Variants in SMYD3 observed in about 807,000 individuals in gnomAD.
SMYD3 encodes SET and MYND domain containing 3.
Under a neutral mutation model 57.7 loss-of-function variants are expected in SMYD3, and 36 were observed. The observed-to-expected ratio is 0.62, with a 90% CI of 0.48 to 0.82. The LOEUF is 0.82. Among genes scored for constraint, SMYD3 ranks in the 40% least tolerant of loss-of-function variants. The pLI is 0.00. For missense variants in SMYD3, 515 were observed against 538.8 expected (o/e 0.96, Z 0.44); for synonymous variants, 211 against 195.0 (o/e 1.08, Z -0.68).
At chr1:245,787,318 T>C (rs2047085649) in intron 10 of SMYD3, among the ~76,000 whole-genome samples, 1 of 152,216 alleles carries the variant, frequency 6.6e-6, no homozygotes, top group Admixed American at 6.5e-5. Context: ...TCTTTACATG[T>C]AGCTCCCATT....
In SMYD3 at chr1:246,405,400, G is replaced by A. The variant is rs1364340495; in HGVS notation, c.165-50306C>T. Among the ~76,000 whole-genome samples the A allele has an allele frequency of 5.9e-5, 9 of 152,078 alleles. No homozygotes were observed. In the East Asian group the frequency reaches 9.6e-4, roughly 16 times the overall value. ...CTAGCTACTGGAAAATATACAATAC[G>A]TTGTGGTTAATAGACACTAATCCAC... is the stretch of plus-strand genomic sequence containing the variant. On this transcript the variant is annotated intron_variant, in intron 1 of 11. Transcript: ENST00000490107.
intron 1 of SMYD3, among the ~76,000 whole-genome samples, chr1:246,363,885 C>T (rs1303103598): frequency 2.0e-5 from 3 of 151,820 alleles, no homozygotes; most frequent in African/African-American, 7.3e-5. Flanking sequence ...CCTGCCAAAT[C>T]CCCCTCTGTG....
intron 5 of SMYD3, among the ~76,000 whole-genome samples, chr1:246,238,231 G>C (rs1219313223): frequency 6.6e-6 from 1 of 152,038 alleles, no homozygotes; most frequent in Non-Finnish European, 1.5e-5. Flanking sequence ...GGGTATCATT[G>C]TGTTACCCAG....
chr1:245,960,288 G>A (rs1024264658), intron 5 of SMYD3, among the ~76,000 whole-genome samples: 1 of 152,168 alleles, frequency 6.6e-6, no homozygotes, highest in Non-Finnish European at 1.5e-5. Flanking sequence ...CCTCCTTGTT[G>A]TAAGGTTGAC....
chr1:246,312,267 T>C (rs2065092507), intron 5 of SMYD3, among the ~76,000 whole-genome samples: 1 of 152,136 alleles, frequency 6.6e-6, no homozygotes, highest in African/African-American at 2.4e-5. Context: ...TTGCAAGAGA[T>C]TAAATGATCA....
chr1:245,806,911 C>T lies in SMYD3; in HGVS notation c.1077-42762G>A, dbSNP rs1243999150. Among the ~76,000 whole-genome samples the T allele has an allele frequency of 5.3e-3, 464 of 88,258 alleles. 4 individuals carry two copies. The highest frequency in any genetic ancestry group is 0.025 in the African/African-American group (444 of 17,858). The allele number at this position is 88,258 out of a possible 152,430, so 57.9% of individuals were successfully genotyped here. On this transcript the variant is annotated intron_variant, in intron 10 of 11. Transcript: ENST00000490107. Reference sequence around the variant, plus strand: ...CGGCCTGGGCGACAGAGCGAGACTCCGTCTCAAAAAAAAAAAAAAAAAAAA... The same window carrying T: ...CGGCCTGGGCGACAGAGCGAGACTCTGTCTCAAAAAAAAAAAAAAAAAAAA...
At chr1:246,269,559 T>TTTG (rs2064179888) in intron 5 of SMYD3, among the ~76,000 whole-genome samples, 1 of 150,284 alleles carries the variant, frequency 6.7e-6, no homozygotes, top group Non-Finnish European at 1.5e-5. Context: ...TTTTTTTGTT[T>TTTG]TTGTTGTTTT....
intron 5 of SMYD3, among the ~76,000 whole-genome samples, chr1:245,960,504 C>T (rs1389252066): frequency 6.6e-6 from 1 of 152,158 alleles, no homozygotes; most frequent in African/African-American, 2.4e-5. Flanking sequence ...CCTGTAATCC[C>T]AGCACTTAGA....
At chr1:245,766,896 GAGGAAGCGCTTGTC>G (rs2046134387) in intron 10 of SMYD3, among the ~76,000 whole-genome samples, 1 of 152,212 alleles carries the variant, frequency 6.6e-6, no homozygotes, top group Non-Finnish European at 1.5e-5. Context: ...AGGAGAGCAT[GAGGAAGCGCTTGTC>G]CAGGGGCACT....
intron 1 of SMYD3, among the ~76,000 whole-genome samples, chr1:246,370,590 AT>A (rs1331240404): frequency 2.0e-5 from 3 of 152,216 alleles, no homozygotes; most frequent in Admixed American, 2.0e-4. Context: ...GATAATCTAT[AT>A]GGAGCGCCTG....
At chr1:245,953,297 T>A in intron 5 of SMYD3, 3 of 999,032 alleles carry the variant, frequency 3.0e-6, no homozygotes, top group Non-Finnish European at 3.6e-6. Flanking sequence ...CATTAATATA[T>A]CAACTCCAAC....
At chr1:246,312,748 T>C (rs1258482283) in intron 5 of SMYD3, among the ~76,000 whole-genome samples, 2 of 152,126 alleles carry the variant, frequency 1.3e-5, no homozygotes, top group African/African-American at 4.8e-5. Context: ...CATATTGTCA[T>C]TCAACAGGTA....
At chr1:246,433,487 C>G (rs2067327599) in intron 1 of SMYD3, among the ~76,000 whole-genome samples, 1 of 151,992 alleles carries the variant, frequency 6.6e-6, no homozygotes, top group Non-Finnish European at 1.5e-5. Context: ...ATGGTAAAAC[C>G]CCATCTCTAC....
At chr1:246,364,455 A>T (rs1005289283) in intron 1 of SMYD3, among the ~76,000 whole-genome samples, 2 of 152,190 alleles carry the variant, frequency 1.3e-5, no homozygotes, top group Non-Finnish European at 2.9e-5. Context: ...ACTAAATTTG[A>T]AACAGTTCTG....
chr1:246,380,841 T>C (rs922550986), intron 1 of SMYD3, among the ~76,000 whole-genome samples: 2 of 152,192 alleles, frequency 1.3e-5, no homozygotes, highest in African/African-American at 2.4e-5. Context: ...GGTGTGGCCA[T>C]GGGTATAGCC....
At chr1:246,375,489 A>T (rs2066260942) in intron 1 of SMYD3, among the ~76,000 whole-genome samples, 1 of 152,150 alleles carries the variant, frequency 6.6e-6, no homozygotes. Context: ...ACTACAGTGG[A>T]AGTGTATTCA....
intron 1 of SMYD3, among the ~76,000 whole-genome samples, chr1:246,441,599 T>C (rs2067471344): frequency 6.6e-6 from 1 of 152,102 alleles, no homozygotes; most frequent in Non-Finnish European, 1.5e-5. Flanking sequence ...CTAATGCCTA[T>C]ATTTCTTTCT....
intron 5 of SMYD3, among the ~76,000 whole-genome samples, chr1:245,957,480 C>T (rs2057880097): frequency 6.6e-6 from 1 of 152,192 alleles, no homozygotes; most frequent in South Asian, 2.1e-4. Context: ...TTAACGTCAA[C>T]GTTTCTCTCA....
intron 10 of SMYD3, among the ~76,000 whole-genome samples, chr1:245,811,889 C>G (rs912081216): frequency 1.3e-5 from 2 of 152,152 alleles, no homozygotes; most frequent in African/African-American, 2.4e-5. Flanking sequence ...CCTGAAATCA[C>G]CCACCTAGTA....
Sources: allele counts gnomAD v4.1 joint callset (sites outside exome capture counted in the v4.1 genomes callset), GRCh38; gene constraint gnomAD v4.1.1; transcripts MANE v1.5; gene names NCBI Gene and HGNC (gene_info 2026-07-23, HGNC 2026-07-21).